Variants in EPHA6 observed in about 807,000 individuals in gnomAD.
EPHA6 encodes ephrin type-A receptor 6.
In EPHA6, 50 loss-of-function variants were observed where a neutral mutation model predicts 112.0. The ratio of observed to expected loss-of-function variants is 0.45; its 90% CI spans 0.36 to 0.56. The LOEUF is 0.56. Among genes scored for constraint, EPHA6 ranks in the 20% least tolerant of loss-of-function variants. EPHA6 has a pLI of 0.00. For missense variants in EPHA6, 1,280 were observed against 1,417.4 expected, an observed-to-expected ratio of 0.90 and a Z score of 1.56; for synonymous variants, 529 against 490.7, an observed-to-expected ratio of 1.08 and a Z score of -1.03.
intron 11 of EPHA6, among the ~76,000 whole-genome samples, chr3:97,577,427 AACTT>A (rs1026262979): frequency 6.6e-6 from 1 of 152,146 alleles, no homozygotes; most frequent in African/African-American, 2.4e-5. Context: ...TGATTTGTGA[AACTT>A]TCTTTCCTTC....
intron 5 of EPHA6, among the ~76,000 whole-genome samples, chr3:97,394,666 A>G (rs1289795098): frequency 6.6e-6 from 1 of 151,812 alleles, no homozygotes; most frequent in East Asian, 1.9e-4. Flanking sequence ...CAACCTGTAC[A>G]TGAAAAAATA....
At chr3:97,400,081 C>A (rs1039962383) in intron 5 of EPHA6, among the ~76,000 whole-genome samples, 2 of 151,584 alleles carry the variant, frequency 1.3e-5, no homozygotes, top group African/African-American at 4.8e-5. Flanking sequence ...TGAGTCTTAA[C>A]ATTTAAGTCT....
At chr3:96,865,754 C>T (rs2036274048) in intron 1 of EPHA6, among the ~76,000 whole-genome samples, 1 of 142,180 alleles carries the variant, frequency 7.0e-6, no homozygotes, top group Non-Finnish European at 1.5e-5. Flanking sequence ...GATGAAAAAC[C>T]AAAATTAATG....
rs992780833 is a variant in EPHA6 at position 97,751,901 on chromosome 3, A to G, written c.*3200A>G. Among the ~76,000 whole-genome samples the G allele has an allele frequency of 5.3e-5, 8 of 152,100 alleles. No individual in the cohort carries two copies. Among genetic ancestry groups the G allele is most frequent in the African/African-American group, 1.9e-4 (8 of 41,444 alleles). On this transcript the variant is annotated 3_prime_UTR_variant, in exon 18 of 18. Transcript: ENST00000389672. ...TTTTCATTTTATTTCTAGATGGTCA[A>G]TTTTGTCTATGGTGAACTCATTATC...
chr3:97,042,294 G>A (rs114163979), intron 3 of EPHA6, among the ~76,000 whole-genome samples: 2,002 of 152,018 alleles, frequency 0.013, 45 homozygotes, highest in African/African-American at 0.044. Context: ...CCTTTTTCCT[G>A]CTTTTGCTGT....
intron 2 of EPHA6, among the ~76,000 whole-genome samples, chr3:96,907,297 CT>C (rs2038986008): frequency 6.6e-6 from 1 of 151,508 alleles, no homozygotes; most frequent in South Asian, 2.1e-4. Flanking sequence ...GTTCAAGGGG[CT>C]GTTAAAGGTG....
chr3:97,655,125 T>C (rs2094130206), intron 14 of EPHA6, among the ~76,000 whole-genome samples: 1 of 148,000 alleles, frequency 6.8e-6, no homozygotes, highest in Non-Finnish European at 1.5e-5. Context: ...ATATATTTTA[T>C]ATATATATAC....
At position 97,543,817 on chromosome 3, in the gene EPHA6, TG is replaced by T. The variant is rs781207862; in HGVS notation, c.2386+11275del. On this transcript the variant is annotated intron_variant, in intron 11 of 17. Transcript: ENST00000389672. Reference sequence around the variant, plus strand: ...CCTTGAAGAGGTCCTTCACATCCCTTGTGAGTTGGATTCCTAGGTATTTTAT... The same window carrying T: ...CCTTGAAGAGGTCCTTCACATCCCTTTGAGTTGGATTCCTAGGTATTTTAT... Among the ~76,000 whole-genome samples the T allele has an allele frequency of 7.2e-5, 11 of 152,210 alleles. No individual in the cohort carries two copies. In the South Asian group the frequency reaches 1.7e-3, roughly 23 times the overall value.
Position 97,721,739 on chromosome 3 carries a change from A to C in EPHA6, c.2934+1329A>C, listed in dbSNP as rs375795149. Among the ~76,000 whole-genome samples the C allele has an allele frequency of 9.2e-5, 14 of 152,308 alleles. No homozygotes were observed. In the South Asian group the frequency reaches 2.7e-3, roughly 29 times the overall value. On this transcript the variant is annotated intron_variant, in intron 15 of 17. Transcript: ENST00000389672. ...CCTACAGTCTGCTATTCATCAGGGA[A>C]TCATATTTGAAGGACTCCTTTGCTC... is the stretch of plus-strand genomic sequence containing the variant.
At chr3:97,303,422 C>T (rs1252451710) in intron 5 of EPHA6, among the ~76,000 whole-genome samples, 1 of 151,734 alleles carries the variant, frequency 6.6e-6, no homozygotes, top group Non-Finnish European at 1.5e-5. Context: ...CCAGACATAA[C>T]AAACAGTAGA....
intron 5 of EPHA6, among the ~76,000 whole-genome samples, chr3:97,376,255 C>A (rs1015135092): frequency 6.6e-6 from 1 of 152,014 alleles, no homozygotes; most frequent in Non-Finnish European, 1.5e-5. Context: ...AAATATAATT[C>A]CAATTTTCCC....
chr3:97,160,899 A>T (rs1171327958), intron 3 of EPHA6, among the ~76,000 whole-genome samples: 1 of 152,050 alleles, frequency 6.6e-6, no homozygotes, highest in South Asian at 2.1e-4. Context: ...AGGACCATCT[A>T]TAAATCAGGT....
chr3:96,861,486 G>T (rs1347591569), intron 1 of EPHA6, among the ~76,000 whole-genome samples: 1 of 151,856 alleles, frequency 6.6e-6, no homozygotes, highest in East Asian at 1.9e-4. Context: ...AAGGGACAGA[G>T]ATATTTGAAT....
At chr3:97,297,076 T>C (rs1402279472) in intron 5 of EPHA6, among the ~76,000 whole-genome samples, 1 of 152,156 alleles carries the variant, frequency 6.6e-6, no homozygotes, top group Non-Finnish European at 1.5e-5. Flanking sequence ...TCATGTGGTC[T>C]CCAGGCAGGT....
intron 10 of EPHA6, among the ~76,000 whole-genome samples, chr3:97,491,992 A>G (rs1183887719): frequency 6.6e-6 from 1 of 152,100 alleles, no homozygotes; most frequent in East Asian, 1.9e-4. Context: ...GGAACAGCAA[A>G]ATTACATTGC....
chr3:97,705,930 A>T (rs2033654798), intron 14 of EPHA6, among the ~76,000 whole-genome samples: 1 of 152,182 alleles, frequency 6.6e-6, no homozygotes, highest in Non-Finnish European at 1.5e-5. Context: ...TGCTCCAGTG[A>T]TGTCCTCCAA....
Position 97,752,980 on chromosome 3 carries a change from T to G in EPHA6, c.*4279T>G, listed in dbSNP as rs184851089. Among the ~76,000 whole-genome samples the G allele has an allele frequency of 1.3e-5, 2 of 152,164 alleles. No homozygotes were observed. The highest frequency in any genetic ancestry group is 4.8e-5 in the African/African-American group (2 of 41,532). On this transcript the variant is annotated 3_prime_UTR_variant, in exon 18 of 18. Transcript: ENST00000389672. ...TACTTTACATTCAATCAACAAATAT[T>G]TTAATATTTTTTAATATGAAGACTC...
chr3:97,195,570 T>G (rs891403650), intron 3 of EPHA6, among the ~76,000 whole-genome samples: 3 of 152,086 alleles, frequency 2.0e-5, no homozygotes, highest in Non-Finnish European at 4.4e-5. Flanking sequence ...TCTGTGTACT[T>G]ACCGTTACCA....
chr3:96,829,263 G>A (rs2033864155), intron 1 of EPHA6, among the ~76,000 whole-genome samples: 1 of 152,050 alleles, frequency 6.6e-6, no homozygotes, highest in African/African-American at 2.4e-5. Flanking sequence ...ACTTAAAAGG[G>A]AAAAAAATTA....
Sources: allele counts gnomAD v4.1 joint callset (sites outside exome capture counted in the v4.1 genomes callset), GRCh38; gene constraint gnomAD v4.1.1; transcripts MANE v1.5; gene names NCBI Gene and HGNC (gene_info 2026-07-23, HGNC 2026-07-21).